The following TPST1 variants were observed in gnomAD, a reference collection of about 807,000 sequenced individuals.
TPST1 encodes protein-tyrosine sulfotransferase 1.
Under a neutral mutation model 34.8 loss-of-function variants are expected in TPST1, and 20 were observed. That is an observed-to-expected ratio of 0.57 (90% confidence interval 0.40 to 0.84). The LOEUF is 0.84. TPST1 is among the 40% of genes least tolerant of loss of function. The probability of loss-of-function intolerance (pLI) is 0.00; values close to 1 mark genes in which losing one functional copy is unlikely to be tolerated. For missense variants in TPST1, 353 were observed against 455.5 expected, an observed-to-expected ratio of 0.78 and a Z score of 2.05; for synonymous variants, 152 against 159.4, an observed-to-expected ratio of 0.95 and a Z score of 0.35.
At chr7:66,212,919 A>T (rs948224722) in intron 1 of TPST1, among the ~76,000 whole-genome samples, 1 of 152,130 alleles carries the variant, frequency 6.6e-6, no homozygotes, top group Non-Finnish European at 1.5e-5. Flanking sequence ...CTTTTTTCAG[A>T]TAAGAAACCC....
At chr7:66,223,283 C>CA (rs2116299954) in intron 1 of TPST1, among the ~76,000 whole-genome samples, 1 of 150,906 alleles carries the variant, frequency 6.6e-6, no homozygotes, top group East Asian at 1.9e-4. Context: ...CTTGTCTCTA[C>CA]AAAAAAGAAA....
intron 3 of TPST1, among the ~76,000 whole-genome samples, chr7:66,327,834 A>G (rs1791899397): frequency 6.6e-6 from 1 of 151,962 alleles, no homozygotes; most frequent in Admixed American, 6.6e-5. Flanking sequence ...CACATAGTTT[A>G]GTCATTGGTA....
chr7:66,241,282 A>C lies in TPST1; in HGVS notation c.845+12A>C, dbSNP rs762371955. ...GTGTCTCTGTCAAAGTGAGTAGAAG[A>C]TACGTTTTTTATTTTGACTCTATAT... On this transcript the variant is annotated intron_variant, in intron 2 of 5. Coordinates refer to ENST00000304842, the MANE Select transcript of TPST1 (RefSeq NM_003596.4). The C allele has an allele frequency of 4.4e-6, 7 of 1,582,950 alleles. No individual in the cohort carries two copies. The highest frequency in any genetic ancestry group is 6.0e-6 in the Non-Finnish European group (7 of 1,167,032).
rs895112339 is a variant in TPST1 at position 66,218,921 on chromosome 7, T to C, written c.-102+13399T>C. Among the ~76,000 whole-genome samples, 6 of 151,758 alleles carry C rather than the reference T, an allele frequency of 4.0e-5. No individual in the cohort carries two copies. The East Asian group carries it at 1.2e-3, about 29-fold the overall frequency. On this transcript the variant is annotated intron_variant, in intron 1 of 5. Transcript: ENST00000304842. ...TTTGAGGCAGAGTCTGGCTCTGTCA[T>C]CTAGGCTGGAGTGCAGTGGCGCAAT...
At chr7:66,205,283 C>A (rs1476958763), upstream of TPST1, 1 of 152,258 alleles carries the variant, frequency 6.6e-6, no homozygotes, top group Non-Finnish European at 1.5e-5. This position sits in a 1 kb window ranked among gnomAD's most constrained non-coding sequence, Gnocchi z 5.0. Context: ...GATGTGTGAT[C>A]CCGCCACCTC....
intron 1 of TPST1, among the ~76,000 whole-genome samples, chr7:66,214,510 C>T (rs115492439): frequency 0.012 from 1,888 of 151,404 alleles, 38 homozygotes; most frequent in African/African-American, 0.042. Context: ...GTAATGAGTT[C>T]GGAAGTGTCG....
rs1792661284 is a variant in TPST1, at chr7:66,360,092, T to A, written c.*227T>A. The A allele has an allele frequency of 3.0e-5, 12 of 397,918 alleles. No individual in the cohort carries two copies. Among genetic ancestry groups the A allele is most frequent in the South Asian group, 2.2e-4 (12 of 55,664 alleles). 24.6% of individuals were successfully genotyped at this position (397,918 alleles called of 1,614,324 possible). A position where few individuals can be genotyped will look rare whatever the true frequency, so the allele number is the denominator to read the frequency against. On this transcript the variant is annotated 3_prime_UTR_variant, in exon 6 of 6. Transcript: ENST00000304842. ...TGAGCAAAGAGCTCTTGATCCCGAT[T>A]TCATGCACAGCCCTGCAGTAAGGAG...
chr7:66,337,181 C>T (rs562338666), intron 3 of TPST1, among the ~76,000 whole-genome samples: 63 of 151,750 alleles, frequency 4.2e-4, no homozygotes, highest in African/African-American at 1.4e-3. Context: ...TTAAACTCAC[C>T]GGCAAAAGAA....
intron 2 of TPST1, among the ~76,000 whole-genome samples, chr7:66,284,428 C>T (rs1790991048): frequency 6.7e-6 from 1 of 149,574 alleles, no homozygotes; most frequent in East Asian, 2.0e-4. Flanking sequence ...CATGCTTTTT[C>T]TTCATACTGT....
chr7:66,212,058 AGGTGG>A (rs1431531825), intron 1 of TPST1, among the ~76,000 whole-genome samples: 2 of 152,222 alleles, frequency 1.3e-5, no homozygotes, highest in Non-Finnish European at 2.9e-5. Flanking sequence ...TTGGCTTTTA[AGGTGG>A]TTAAGCTGTG....
chr7:66,266,853 A>G (rs1790602862), intron 2 of TPST1, among the ~76,000 whole-genome samples: 1 of 152,176 alleles, frequency 6.6e-6, no homozygotes, highest in Non-Finnish European at 1.5e-5. Context: ...TAGTAGTTAG[A>G]ATAGTGGTTA....
chr7:66,357,656 G>A (rs893866483), intron 5 of TPST1, among the ~76,000 whole-genome samples: 2 of 152,196 alleles, frequency 1.3e-5, no homozygotes, highest in African/African-American at 4.8e-5. Context: ...ATCTCCAGGT[G>A]CAGCTGCTCA....
At chr7:66,209,139 G>A (rs1299906687) in intron 1 of TPST1, among the ~76,000 whole-genome samples, 1 of 152,128 alleles carries the variant, frequency 6.6e-6, no homozygotes, top group Admixed American at 6.6e-5. Context: ...CGGGCGTGGT[G>A]GTGGGCGCCT....
At chr7:66,335,198 T>C (rs1792072177) in intron 3 of TPST1, among the ~76,000 whole-genome samples, 1 of 152,110 alleles carries the variant, frequency 6.6e-6, no homozygotes, top group Non-Finnish European at 1.5e-5. Flanking sequence ...GCAGCTCATT[T>C]CTGTAATCCC....
chr7:66,285,861 A>G (rs1791023487), intron 2 of TPST1, among the ~76,000 whole-genome samples: 1 of 152,234 alleles, frequency 6.6e-6, no homozygotes, highest in Non-Finnish European at 1.5e-5. Context: ...GTAATATTGA[A>G]TCCTGTAATA....
At chr7:66,334,228 C>A (rs1446429222) in intron 3 of TPST1, among the ~76,000 whole-genome samples, 2 of 152,068 alleles carry the variant, frequency 1.3e-5, no homozygotes, top group Non-Finnish European at 2.9e-5. Flanking sequence ...GAGATAGATT[C>A]CCTTAGGGAG....
intron 3 of TPST1, among the ~76,000 whole-genome samples, chr7:66,308,318 A>T (rs1791463468): frequency 6.6e-6 from 1 of 152,184 alleles, no homozygotes; most frequent in South Asian, 2.1e-4. Context: ...CCATACCTCC[A>T]CACATCACTC....
chr7:66,234,868 G>A (rs529048929), intron 1 of TPST1, among the ~76,000 whole-genome samples: 2 of 152,036 alleles, frequency 1.3e-5, no homozygotes, highest in East Asian at 3.9e-4. Flanking sequence ...AGTAGAGATG[G>A]GGTTTCACCG....
upstream of TPST1, among the ~76,000 whole-genome samples, chr7:66,204,376 C>T (rs1789077658): frequency 2.0e-5 from 3 of 152,252 alleles, no homozygotes; most frequent in South Asian, 4.2e-4. Context: ...CCACCATGCC[C>T]GGCTAATTTT....
Sources: allele counts gnomAD v4.1 joint callset (sites outside exome capture counted in the v4.1 genomes callset), GRCh38; gene constraint gnomAD v4.1.1; non-coding constraint Gnocchi (gnomAD v3.1); transcripts MANE v1.5; gene names NCBI Gene and HGNC (gene_info 2026-07-23, HGNC 2026-07-21).